The following FUT9 variants were observed in gnomAD, a reference collection of about 807,000 sequenced individuals.
The protein encoded by FUT9 is 4-galactosyl-N-acetylglucosaminide 3-alpha-L-fucosyltransferase 9.
Under a neutral mutation model 29.7 loss-of-function variants are expected in FUT9, and 15 were observed. The ratio of observed to expected loss-of-function variants is 0.51; its 90% confidence interval spans 0.34 to 0.78. FUT9 has a LOEUF of 0.78. Among genes scored for constraint, FUT9 ranks in the 30% least tolerant of loss-of-function variants. FUT9 has a pLI of 0.01. For missense variants in FUT9, 319 were observed against 425.4 expected (o/e 0.75, Z 2.20); for synonymous variants, 169 against 153.7 (o/e 1.10, Z -0.74).
chr6:96,075,311 T>C (rs1771125517), intron 1 of FUT9, among the ~76,000 whole-genome samples: 1 of 152,136 alleles, frequency 6.6e-6, no homozygotes, highest in African/African-American at 2.4e-5. Context: ...ACATTCCCTT[T>C]GCATACATCA....
intron 2 of FUT9, among the ~76,000 whole-genome samples, chr6:96,202,755 A>G (rs1216791900): frequency 6.6e-6 from 1 of 152,198 alleles, no homozygotes; most frequent in African/African-American, 2.4e-5. Context: ...ATAAGTGATT[A>G]TATCAACTGG....
intron 1 of FUT9, among the ~76,000 whole-genome samples, chr6:96,062,947 C>A (rs72926043): frequency 0.038 from 5,783 of 152,208 alleles, 156 homozygotes; most frequent in South Asian, 0.12. Flanking sequence ...ATAATCCATT[C>A]ACTTACTTTC....
chr6:96,142,704 G>C (rs534038756), intron 2 of FUT9, among the ~76,000 whole-genome samples: 10 of 152,098 alleles, frequency 6.6e-5, no homozygotes, highest in African/African-American at 2.2e-4. Context: ...TTTTCAGAGA[G>C]AAATAGCGAA....
chr6:96,150,221 T>G (rs1029383479), intron 2 of FUT9, among the ~76,000 whole-genome samples: 2 of 152,050 alleles, frequency 1.3e-5, no homozygotes, highest in Non-Finnish European at 2.9e-5. Context: ...TAAAATGACA[T>G]TAGAATTCAG....
At chr6:96,178,540 T>C (rs1773246678) in intron 2 of FUT9, among the ~76,000 whole-genome samples, 1 of 152,178 alleles carries the variant, frequency 6.6e-6, no homozygotes, top group Non-Finnish European at 1.5e-5. Context: ...GAATATTTTC[T>C]ATTGTCCTCG....
At chr6:96,085,146 C>G (rs1342990746) in intron 1 of FUT9, among the ~76,000 whole-genome samples, 1 of 152,128 alleles carries the variant, frequency 6.6e-6, no homozygotes, top group Non-Finnish European at 1.5e-5. Context: ...ATTAGAGATT[C>G]CAAAGATATG....
intron 1 of FUT9, among the ~76,000 whole-genome samples, chr6:96,083,585 C>T (rs944642055): frequency 4.6e-5 from 7 of 151,898 alleles, no homozygotes; most frequent in Non-Finnish European, 8.8e-5. Flanking sequence ...GTTAAGAGTT[C>T]CACTTAAACC....
At chr6:96,185,762 A>AT (rs763619402) in intron 2 of FUT9, among the ~76,000 whole-genome samples, 2 of 152,086 alleles carry the variant, frequency 1.3e-5, no homozygotes, top group African/African-American at 4.8e-5. Flanking sequence ...AGTGGCCTCC[A>AT]TTTTTTCTAT....
At chr6:96,067,260 T>A (rs1770978598) in intron 1 of FUT9, among the ~76,000 whole-genome samples, 1 of 151,658 alleles carries the variant, frequency 6.6e-6, no homozygotes, top group Admixed American at 6.6e-5. Flanking sequence ...TAGGTAATAA[T>A]AAGTAATCAT....
intron 1 of FUT9, among the ~76,000 whole-genome samples, chr6:96,091,886 T>C (rs1771417348): frequency 6.6e-6 from 1 of 152,044 alleles, no homozygotes; most frequent in African/African-American, 2.4e-5. Context: ...AGCGAGAAAA[T>C]ATTTTCAGAA....
At chr6:96,056,975 T>C (rs1770783056) in intron 1 of FUT9, among the ~76,000 whole-genome samples, 1 of 152,188 alleles carries the variant, frequency 6.6e-6, no homozygotes, top group African/African-American at 2.4e-5. Context: ...TTCAATAACT[T>C]ACATGAGATA....
intron 1 of FUT9, among the ~76,000 whole-genome samples, chr6:96,095,424 C>T (rs1771478634): frequency 6.6e-6 from 1 of 152,146 alleles, no homozygotes; most frequent in Non-Finnish European, 1.5e-5. Context: ...TTCAACTAGG[C>T]TTGCCCCACC....
chr6:96,030,918 A>T (rs1265377281), intron 1 of FUT9, among the ~76,000 whole-genome samples: 2 of 151,582 alleles, frequency 1.3e-5, no homozygotes, highest in African/African-American at 4.8e-5. Flanking sequence ...AGTGGTTTCG[A>T]AGGGTTAGGG....
chr6:96,151,007 G>A (rs1772665475), intron 2 of FUT9, among the ~76,000 whole-genome samples: 2 of 152,078 alleles, frequency 1.3e-5, no homozygotes, highest in South Asian at 2.1e-4. Flanking sequence ...CGTGGCTACG[G>A]CAAGGAAAAG....
In FUT9 at chr6:96,055,613, C is replaced by T. The variant is rs186118489; in HGVS notation, c.-98+39401C>T. Among the ~76,000 whole-genome samples the T allele has an allele frequency of 4.7e-3, 706 of 151,044 alleles. 5 individuals carry two copies. Among genetic ancestry groups the T allele is most frequent in the African/African-American group, 0.016 (668 of 41,222 alleles). On this transcript the variant is annotated intron_variant, in intron 1 of 2. Transcript: ENST00000302103. ...CATGCATCATGGGGGTTTGTTGTAC[C>T]GGTTGTTTCTTTATGGTGTGGTCTG...
intron 1 of FUT9, among the ~76,000 whole-genome samples, chr6:96,102,846 A>G (rs1771610597): frequency 6.6e-6 from 1 of 152,180 alleles, no homozygotes; most frequent in Non-Finnish European, 1.5e-5. Flanking sequence ...ACCAGAGAGA[A>G]TAGTTTAAAC....
rs142356541 is a variant in FUT9, at chr6:96,107,028, T to A, written c.-97-7011T>A. Among the ~76,000 whole-genome samples the A allele has an allele frequency of 1.7e-4, 26 of 152,338 alleles. No individual in the cohort carries two copies. The East Asian group carries it at 5.0e-3, about 29-fold the overall frequency. ...ATAAATTGTATAATATATGCGTACC[T>A]ATAGGACATCTTTGAATTTGCCTCC... On this transcript the variant is annotated intron_variant, in intron 1 of 2. Transcript: ENST00000302103.
intron 1 of FUT9, among the ~76,000 whole-genome samples, chr6:96,033,953 T>C (rs1037402370): frequency 6.6e-6 from 1 of 150,952 alleles, no homozygotes; most frequent in Non-Finnish European, 1.5e-5. Context: ...TTAAACACCC[T>C]AAATTAAGAA....
rs191161485 is a variant in FUT9 at position 96,211,209 on chromosome 6, G to A, written c.*6974G>A. Reference sequence around the variant, plus strand: ...GGGGTGTGAGGAGCTGGCAGTGGTGGTGAATAGGCATTGTTTGCATTACTA... The same window carrying A: ...GGGGTGTGAGGAGCTGGCAGTGGTGATGAATAGGCATTGTTTGCATTACTA... On this transcript the variant is annotated 3_prime_UTR_variant, in exon 3 of 3. Transcript: ENST00000302103. The A allele has an allele frequency of 6.0e-6, 1 of 166,796 alleles. No homozygotes were observed. The highest frequency in any genetic ancestry group is 1.5e-5 in the Non-Finnish European group (1 of 67,972). 10.3% of individuals were successfully genotyped at this position (166,796 alleles called of 1,614,324 possible). A position where few individuals can be genotyped will look rare whatever the true frequency, so the allele number is the denominator to read the frequency against.
Sources: allele counts gnomAD v4.1 joint callset (sites outside exome capture counted in the v4.1 genomes callset), GRCh38; gene constraint gnomAD v4.1.1; transcripts MANE v1.5; gene names NCBI Gene and HGNC (gene_info 2026-07-23, HGNC 2026-07-21).